ZFHX3: variants seen among roughly 807,000 people sequenced by gnomAD.
ZFHX3 encodes zinc finger homeobox 3.
ZFHX3 carries 42 observed loss-of-function variants against 279.1 expected under a neutral mutation model. The observed-to-expected ratio is 0.15, with a 90% CI of 0.12 to 0.19. The LOEUF (loss-of-function observed/expected upper bound fraction) is 0.19. Ranked by LOEUF, ZFHX3 falls within the 10% of genes least tolerant of loss-of-function variation. ZFHX3 has a pLI of 1.00. For missense variants in ZFHX3, 4,981 were observed against 4,754.0 expected, an observed-to-expected ratio of 1.05 and a Z score of -1.40; for synonymous variants, 2,293 against 1,957.8, an observed-to-expected ratio of 1.17 and a Z score of -4.52.
chr16:73,391,138 G>C (rs1462123785), intron 3 of ZFHX3, among the ~76,000 whole-genome samples: 1 of 152,180 alleles, frequency 6.6e-6, no homozygotes, highest in African/African-American at 2.4e-5. Context: ...CACCTTGGGC[G>C]GACAGGCCCA....
intron 1 of ZFHX3, among the ~76,000 whole-genome samples, chr16:73,036,408 T>C (rs1293053091): frequency 2.0e-5 from 3 of 152,150 alleles, no homozygotes; most frequent in South Asian, 2.1e-4. Context: ...GAATGCGCTC[T>C]GCCGCTTTGT....
Position 73,871,412 on chromosome 16 carries a change from A to G in ZFHX3, c.-1608+20239T>C, listed in dbSNP as rs147001030. Among the ~76,000 whole-genome samples the G allele has an allele frequency of 4.2e-3, 646 of 152,244 alleles. 2 individuals are homozygous for G. Among genetic ancestry groups the G allele is most frequent in the Admixed American group, 9.3e-3 (142 of 15,296 alleles). On this transcript the variant is annotated intron_variant, in intron 1 of 17. Transcript: ENST00000641206. ...GAGGAGAGGCAATTTTACTTCTTCT[A>G]TTAACCCAACGTGATTACAATGGCT...
intron 8 of ZFHX3, among the ~76,000 whole-genome samples, chr16:73,074,670 T>C (rs1965865492): frequency 7.1e-6 from 1 of 139,928 alleles, no homozygotes; most frequent in African/African-American, 2.6e-5. Context: ...GTTCTGGGCA[T>C]ACAGACATGC....
At chr16:73,088,386 C>T in intron 8 of ZFHX3, among the ~76,000 whole-genome samples, 1 of 152,276 alleles carries the variant, frequency 6.6e-6, no homozygotes, top group East Asian at 1.9e-4. Context: ...CTCCTGGGCT[C>T]AAGCGATCCA....
rs36018349 is a variant in ZFHX3 at position 73,148,555 on chromosome 16, C to CTTTTTT, written c.-1103-4730_-1103-4725dup. 5.2e-4 allele frequency among the ~76,000 whole-genome samples: 29 copies of CTTTTTT among 55,414 alleles called. 3 individuals are homozygous for CTTTTTT. The highest frequency in any genetic ancestry group is 1.5e-3 in the East Asian group (2 of 1,352). 36.4% of individuals were successfully genotyped at this position (55,414 alleles called of 152,430 possible). On this transcript the variant is annotated intron_variant, in intron 5 of 17. Coordinates refer to the ZFHX3 transcript ENST00000641206. The stretch of plus-strand genomic sequence containing the variant: ...GCGCCTTCGTCTGGCAAATGCTGGG[C>CTTTTTT]TTTTTTTTTTTTTTTTTTTTTTTTT...
intron 2 of ZFHX3, among the ~76,000 whole-genome samples, chr16:73,655,757 T>C (rs1454530317): frequency 6.6e-6 from 1 of 152,170 alleles, no homozygotes; most frequent in Admixed American, 6.5e-5. Flanking sequence ...AAAACACTTC[T>C]AGTGAGAGTA....
intron 2 of ZFHX3, among the ~76,000 whole-genome samples, chr16:73,545,232 T>C (rs2143758880): frequency 6.6e-6 from 1 of 152,310 alleles, no homozygotes; most frequent in African/African-American, 2.4e-5. Context: ...AAACCTATCC[T>C]GTTGGCAGGA....
intron 4 of ZFHX3, among the ~76,000 whole-genome samples, chr16:73,296,943 A>G (rs964357796): frequency 4.6e-5 from 6 of 131,624 alleles, no homozygotes; most frequent in Non-Finnish European, 7.7e-5. Flanking sequence ...CAGTGGCGCT[A>G]TCTCGGCTCA....
chr16:73,730,352 C>CAAAAAAA (rs66477968), intron 1 of ZFHX3, among the ~76,000 whole-genome samples: 38 of 81,142 alleles, frequency 4.7e-4, no homozygotes, highest in African/African-American at 1.2e-3. Context: ...CCTCCCCTCG[C>CAAAAAAA]AAAAAAAAAA....
At chr16:73,817,145 C>T (rs1189157005) in intron 1 of ZFHX3, among the ~76,000 whole-genome samples, 1 of 152,138 alleles carries the variant, frequency 6.6e-6, no homozygotes, top group Non-Finnish European at 1.5e-5. Context: ...ACACAGCTGA[C>T]CACTTCACAT....
intron 7 of ZFHX3, among the ~76,000 whole-genome samples, chr16:73,103,958 A>G (rs1487186530): frequency 6.6e-6 from 1 of 152,220 alleles, no homozygotes; most frequent in Non-Finnish European, 1.5e-5. Context: ...AACTGAAGGC[A>G]CTCTGATTCC....
chr16:73,596,469 C>T (rs1003415105), intron 2 of ZFHX3, among the ~76,000 whole-genome samples: 2 of 152,126 alleles, frequency 1.3e-5, no homozygotes, highest in Non-Finnish European at 2.9e-5. Context: ...GCACCTCTAG[C>T]CTCACTGTGC....
chr16:73,558,809 T>C (rs9921762), intron 2 of ZFHX3, among the ~76,000 whole-genome samples: 4,136 of 148,174 alleles, frequency 0.028, 129 homozygotes, highest in African/African-American at 0.08. Context: ...GCCACCTGGG[T>C]TCAGGTGATT....
At chr16:73,115,801 C>A (rs1461267964) in intron 7 of ZFHX3, among the ~76,000 whole-genome samples, 1 of 152,134 alleles carries the variant, frequency 6.6e-6, no homozygotes, top group Non-Finnish European at 1.5e-5. Flanking sequence ...AGCCACTAAT[C>A]AAGTCCAGGG....
chr16:73,405,284 GT>G (rs1020434381), intron 3 of ZFHX3, among the ~76,000 whole-genome samples: 2 of 152,116 alleles, frequency 1.3e-5, no homozygotes, highest in Non-Finnish European at 2.9e-5. Flanking sequence ...AAATTATTCT[GT>G]TTTTTTCCAC....
At chr16:73,525,859 T>G (rs2019682668) in intron 2 of ZFHX3, among the ~76,000 whole-genome samples, 1 of 152,200 alleles carries the variant, frequency 6.6e-6, no homozygotes, top group South Asian at 2.1e-4. Context: ...CTTTTAAGCC[T>G]TACATCAGCA....
At chr16:72,882,371 T>C (rs1255267335) in intron 4 of ZFHX3, among the ~76,000 whole-genome samples, 2 of 152,116 alleles carry the variant, frequency 1.3e-5, no homozygotes, top group Admixed American at 6.6e-5. Context: ...CCACGTGTCA[T>C]ATGCTGAAAC....
intron 8 of ZFHX3, among the ~76,000 whole-genome samples, chr16:73,074,936 A>C (rs955233953): frequency 6.6e-6 from 1 of 151,910 alleles, no homozygotes; most frequent in Non-Finnish European, 1.5e-5. Context: ...CCTCCCAAGT[A>C]GCTGAGACTA....
chr16:72,801,908 G>A (rs1597249868), intron 7 of ZFHX3, among the ~76,000 whole-genome samples: 1 of 151,614 alleles, frequency 6.6e-6, no homozygotes, highest in African/African-American at 2.4e-5. Flanking sequence ...GGGTAAGAGG[G>A]GGAGAAAGGG....
Sources: gnomAD v4.1 joint callset for allele counts (sites outside exome capture counted in the v4.1 genomes callset) on GRCh38, gnomAD v4.1.1 for gene constraint, MANE v1.5 for transcripts, NCBI Gene and HGNC (gene_info 2026-07-23, HGNC 2026-07-21) for gene names.